Variants in RBFOX1 observed in about 807,000 individuals in gnomAD.
The protein encoded by RBFOX1 is RNA binding protein fox-1 homolog 1.
Under a neutral mutation model 57.7 loss-of-function variants are expected in RBFOX1, and 8 were observed. That is an observed-to-expected ratio of 0.14 (90% CI 0.08 to 0.25). RBFOX1 has a LOEUF of 0.25. RBFOX1 is among the 10% of genes least tolerant of loss of function. RBFOX1 has a pLI of 1.00. For synonymous variants in RBFOX1, 326 were observed against 222.4 expected (o/e 1.47, Z -4.15); for missense variants, 611 against 548.5 (o/e 1.11, Z -1.14).
chr16:6,071,836 T>G (rs1285781278), intron 1 of RBFOX1, among the ~76,000 whole-genome samples: 1 of 152,220 alleles, frequency 6.6e-6, no homozygotes, highest in Non-Finnish European at 1.5e-5. Flanking sequence ...AATCATGCAA[T>G]GTTTATCCTT....
At chr16:6,988,135 A>C (rs2090698052) in intron 3 of RBFOX1, among the ~76,000 whole-genome samples, 1 of 152,226 alleles carries the variant, frequency 6.6e-6, no homozygotes, top group Non-Finnish European at 1.5e-5. Flanking sequence ...GGAATACATA[A>C]AAAAGAAAAC....
At chr16:6,699,817 A>G (rs1261518845) in intron 3 of RBFOX1, among the ~76,000 whole-genome samples, 2 of 152,140 alleles carry the variant, frequency 1.3e-5, no homozygotes, top group Non-Finnish European at 2.9e-5. Context: ...AAAACTCATG[A>G]TGGTTGTATG....
At chr16:6,889,387 G>T (rs1002822025) in intron 3 of RBFOX1, among the ~76,000 whole-genome samples, 3 of 152,192 alleles carry the variant, frequency 2.0e-5, no homozygotes, top group African/African-American at 7.2e-5. Flanking sequence ...TAAGGCCAGT[G>T]ATATCTTACA....
intron 1 of RBFOX1, among the ~76,000 whole-genome samples, chr16:5,448,271 A>T (rs1026205728): frequency 3.3e-5 from 5 of 152,104 alleles, no homozygotes; most frequent in African/African-American, 1.2e-4. Context: ...GGGGTTGTCA[A>T]AGCTTTCGAC....
intron 3 of RBFOX1, among the ~76,000 whole-genome samples, chr16:6,809,251 C>A (rs764871865): frequency 1.2e-4 from 19 of 152,160 alleles, no homozygotes; most frequent in Non-Finnish European, 2.6e-4. Flanking sequence ...CTGGGGGCTG[C>A]CTTCTGAATC....
chr16:6,797,054 G>A lies in RBFOX1; in HGVS notation c.-16+142404G>A, dbSNP rs1237794624. Among the ~76,000 whole-genome samples, 5 of 152,098 alleles carry A rather than the reference G, an allele frequency of 3.3e-5. No individual in the cohort carries two copies. The East Asian group carries it at 9.6e-4, about 29-fold the overall frequency. On this transcript the variant is annotated intron_variant, in intron 3 of 15. Transcript: ENST00000550418. ...CTGGTCTAAAAGGTTTCCACTCTCT[G>A]GGTTGCTCTAGTGAAGCAAATAAAT...
intron 2 of RBFOX1, among the ~76,000 whole-genome samples, chr16:6,387,616 A>G (rs2092367479): frequency 6.6e-6 from 1 of 152,222 alleles, no homozygotes; most frequent in Non-Finnish European, 1.5e-5. Context: ...GAAACAAAGA[A>G]AATGTCTAGC....
At chr16:7,642,317 C>CT (rs893633772) in intron 11 of RBFOX1, among the ~76,000 whole-genome samples, 6 of 152,092 alleles carry the variant, frequency 3.9e-5, no homozygotes, top group African/African-American at 9.6e-5. Flanking sequence ...GATCAGGACT[C>CT]TTTTTTTTAA....
intron 1 of RBFOX1, among the ~76,000 whole-genome samples, chr16:5,288,318 C>G (rs1195585435): frequency 6.6e-6 from 1 of 152,164 alleles, no homozygotes; most frequent in Non-Finnish European, 1.5e-5. Context: ...TGTTCAATTC[C>G]TTTGCCCTGT....
chr16:6,503,698 C>A (rs959734432), intron 2 of RBFOX1, among the ~76,000 whole-genome samples: 3 of 152,100 alleles, frequency 2.0e-5, no homozygotes, highest in African/African-American at 7.2e-5. Flanking sequence ...ATCTTTCATC[C>A]CTTCCATATG....
chr16:7,370,050 G>T (rs543507506), intron 4 of RBFOX1, among the ~76,000 whole-genome samples: 4 of 152,262 alleles, frequency 2.6e-5, no homozygotes, highest in African/African-American at 9.6e-5. Flanking sequence ...TGAGACTATT[G>T]ACATTTTCAA....
At chr16:7,116,456 C>T (rs959419851) in intron 4 of RBFOX1, among the ~76,000 whole-genome samples, 1 of 152,130 alleles carries the variant, frequency 6.6e-6, no homozygotes, top group Non-Finnish European at 1.5e-5. Flanking sequence ...CCCAAACTCT[C>T]CTCTCAAACC....
chr16:5,573,634 C>T (rs576163878), intron 2 of RBFOX1, among the ~76,000 whole-genome samples: 1 of 152,146 alleles, frequency 6.6e-6, no homozygotes, highest in African/African-American at 2.4e-5. Context: ...TGCATCCCCC[C>T]TTTCCCCGTC....
intron 3 of RBFOX1, among the ~76,000 whole-genome samples, chr16:5,718,545 A>G (rs924989123): frequency 1.1e-4 from 16 of 152,364 alleles, no homozygotes; most frequent in African/African-American, 3.6e-4. Flanking sequence ...AATCAAGTAC[A>G]GTTATTAAAT....
chr16:7,038,188 C>G (rs1421864733), intron 3 of RBFOX1, among the ~76,000 whole-genome samples: 1 of 152,032 alleles, frequency 6.6e-6, no homozygotes, highest in Non-Finnish European at 1.5e-5. Flanking sequence ...TATAGGGTAA[C>G]GATGGTCCCA....
chr16:6,215,629 T>G (rs1055300360), intron 1 of RBFOX1, among the ~76,000 whole-genome samples: 1 of 152,150 alleles, frequency 6.6e-6, no homozygotes. Flanking sequence ...TTTCCTCCAT[T>G]AACCTTGTCT....
At chr16:6,210,855 G>A (rs8050471) in intron 1 of RBFOX1, among the ~76,000 whole-genome samples, 2,066 of 152,212 alleles carry the variant, frequency 0.014, 58 homozygotes, top group African/African-American at 0.047. Flanking sequence ...TTAAGTGAAC[G>A]GTGCAATAGC....
chr16:6,186,406 G>A (rs543401399), intron 1 of RBFOX1, among the ~76,000 whole-genome samples: 4 of 152,286 alleles, frequency 2.6e-5, no homozygotes, highest in African/African-American at 7.2e-5. Flanking sequence ...GTTCCATGCC[G>A]AGGTGTGAGC....
chr16:6,330,367 G>A (rs2082868628), intron 2 of RBFOX1, among the ~76,000 whole-genome samples: 1 of 152,184 alleles, frequency 6.6e-6, no homozygotes, highest in African/African-American at 2.4e-5. Context: ...CTCCCAAGAA[G>A]CCTTGCACAG....
Sources: gnomAD v4.1 joint callset for allele counts (sites outside exome capture counted in the v4.1 genomes callset) on GRCh38, gnomAD v4.1.1 for gene constraint, MANE v1.5 for transcripts, NCBI Gene and HGNC (gene_info 2026-07-23, HGNC 2026-07-21) for gene names.